The following ARHGAP39 variants were observed in gnomAD, a reference collection of about 807,000 sequenced individuals.
ARHGAP39 encodes Rho GTPase activating protein 39, also known as rho GTPase-activating protein 39.
Under a neutral mutation model 106.9 loss-of-function variants are expected in ARHGAP39, and 44 were observed. The ratio of observed to expected loss-of-function variants is 0.41; its 90% CI spans 0.32 to 0.53. ARHGAP39 has a LOEUF of 0.53. ARHGAP39 is among the 20% of genes least tolerant of loss of function. ARHGAP39 has a pLI of 0.21. For missense variants in ARHGAP39, 1,496 were observed against 1,577.3 expected, an observed-to-expected ratio of 0.95 and a Z score of 0.87; for synonymous variants, 768 against 693.2, an observed-to-expected ratio of 1.11 and a Z score of -1.69.
chr8:144,532,765 G>T (rs760013222), intron 9 of ARHGAP39, among the ~76,000 whole-genome samples: 3 of 152,216 alleles, frequency 2.0e-5, no homozygotes, highest in Non-Finnish European at 4.4e-5. Context: ...AGTCATGGGA[G>T]TGGGTGGCAC....
At position 144,530,001 on chromosome 8, in the gene ARHGAP39, A is replaced by T; in HGVS notation, c.*421T>A. The T allele has an allele frequency of 5.7e-6, 1 of 174,216 alleles. No homozygotes were observed. Among genetic ancestry groups the T allele is most frequent in the African/African-American group, 2.4e-5 (1 of 41,882 alleles). The allele number at this position is 174,216 out of a possible 1,614,324, so 10.8% of individuals were successfully genotyped here. A position where few individuals can be genotyped will look rare whatever the true frequency, so the allele number is the denominator to read the frequency against. On this transcript the variant is annotated 3_prime_UTR_variant, in exon 12 of 12. Transcript: ENST00000377307. ...CTCTCTCGGGGCTGGGAAGAGCTGC[A>T]GGCCAGGACGAGGACAGGAGAAAGG...
Position 144,586,144 on chromosome 8 carries a change from AT to A in ARHGAP39, c.81-4868del. On this transcript the variant is annotated intron_variant, in intron 2 of 11. Coordinates refer to ENST00000377307, the MANE Select transcript of ARHGAP39 (RefSeq NM_025251.3). The surrounding 1 kb of genome is among the most constrained non-coding windows in gnomAD (Gnocchi z 4.2). ...CAGGTGTATGCCACCACAGCTGGCT[AT>A]TTTTTTTGTATTTTTAGTAGGGATG... 6.6e-6 allele frequency: 1 copy of A among 152,064 alleles called. No homozygotes were observed. Among genetic ancestry groups the A allele is most frequent in the African/African-American group, 2.4e-5 (1 of 41,444 alleles). 9.4% of individuals were successfully genotyped at this position (152,064 alleles called of 1,614,324 possible). A position where few individuals can be genotyped will look rare whatever the true frequency, so the allele number is the denominator to read the frequency against.
chr8:144,698,927 G>T, the ARHGAP39 span: 1 of 455,166 alleles, frequency 2.2e-6, no homozygotes, highest in Non-Finnish European at 4.4e-6. Context: ...TAAACATGGA[G>T]TGTTCACACC....
chr8:144,547,031 C>T lies in ARHGAP39; in HGVS notation c.1959+96G>A. On this transcript the variant is annotated intron_variant, in intron 5 of 11. Transcript: ENST00000377307. This position sits in a 1 kb window ranked among gnomAD's most constrained non-coding sequence, Gnocchi z 5.2. ...AGAACTCTGCGTGCTGCGTGCACGC[C>T]CTGGACGCCAGGTCTCCTGTGCCTG... is the stretch of plus-strand genomic sequence containing the variant. The T allele has an allele frequency of 1.4e-6, 2 of 1,406,486 alleles. No individual in the cohort carries two copies. The highest frequency in any genetic ancestry group is 1.9e-6 in the Non-Finnish European group (2 of 1,063,716). The allele number at this position is 1,406,486 out of a possible 1,614,324, so 87.1% of individuals were successfully genotyped here. A position where few individuals can be genotyped will look rare whatever the true frequency, so the allele number is the denominator to read the frequency against.
chr8:144,565,045 G>A (rs1410952390), intron 3 of ARHGAP39, among the ~76,000 whole-genome samples: 1 of 152,148 alleles, frequency 6.6e-6, no homozygotes, highest in Non-Finnish European at 1.5e-5. Flanking sequence ...GGGAGGCAGA[G>A]GTTGCCGTGA....
intron 3 of ARHGAP39, among the ~76,000 whole-genome samples, chr8:144,561,397 G>T (rs111611295): frequency 0.087 from 11,117 of 127,974 alleles, 1,462 homozygotes; most frequent in African/African-American, 0.29. Flanking sequence ...CCCCAGTGGT[G>T]TCCATCACAC....
chr8:144,561,165 T>C (rs1324596253), intron 3 of ARHGAP39, among the ~76,000 whole-genome samples: 2 of 152,206 alleles, frequency 1.3e-5, no homozygotes, highest in African/African-American at 4.8e-5. Flanking sequence ...CACACCCCAG[T>C]GGTTTCCATC....
chr8:144,561,273 T>G (rs145931693), intron 3 of ARHGAP39, among the ~76,000 whole-genome samples: 2,603 of 132,184 alleles, frequency 0.02, 73 homozygotes, highest in Admixed American at 0.063. Flanking sequence ...CCCCAGTGGT[T>G]TCCATCACAC....
intron 1 of ARHGAP39, among the ~76,000 whole-genome samples, chr8:144,623,323 A>C (rs1457257407): frequency 6.6e-6 from 1 of 152,226 alleles, no homozygotes; most frequent in East Asian, 1.9e-4. Context: ...TGGTGGAAAT[A>C]AATTTAAATA....
chr8:144,696,522 C>T, the ARHGAP39 span, among the ~76,000 whole-genome samples: 1 of 152,086 alleles, frequency 6.6e-6, no homozygotes, highest in African/African-American at 2.4e-5. Flanking sequence ...AATAAATATG[C>T]CTAATCTGTT....
chr8:144,532,275 G>A (rs775859080), intron 10 of ARHGAP39, 30 bp downstream of exon 10: 24 of 1,605,856 alleles, frequency 1.5e-5, no homozygotes, highest in Admixed American at 1.0e-4. Flanking sequence ...AGCCAGGCCC[G>A]CTCTGCTGCA....
At chr8:144,543,464 G>A (rs543561235) in intron 6 of ARHGAP39, among the ~76,000 whole-genome samples, 5 of 152,328 alleles carry the variant, frequency 3.3e-5, no homozygotes, top group African/African-American at 1.2e-4. Context: ...TCCTGGGGCT[G>A]GAGATGAGGT....
At chr8:144,690,386 G>A (rs1019462456), upstream of ARHGAP39, among the ~76,000 whole-genome samples, 7 of 151,984 alleles carry the variant, frequency 4.6e-5, no homozygotes, top group East Asian at 1.9e-4. Context: ...GATTACAGGC[G>A]TGAGCCACTG....
chr8:144,554,464 C>T (rs1341852103), intron 4 of ARHGAP39, among the ~76,000 whole-genome samples: 1 of 152,206 alleles, frequency 6.6e-6, no homozygotes, highest in Non-Finnish European at 1.5e-5. Flanking sequence ...AGAATGGCAT[C>T]CTGGGGATGG....
chr8:144,534,266 T>A (rs1178205996), intron 7 of ARHGAP39, 64 bp from the exon 8 acceptor site: 49 of 1,580,972 alleles, frequency 3.1e-5, no homozygotes, highest in Non-Finnish European at 4.2e-5. Flanking sequence ...AGGAGAGGGG[T>A]GAGCAGACAC....
intron 4 of ARHGAP39, among the ~76,000 whole-genome samples, chr8:144,550,141 G>T (rs1389993346): frequency 6.6e-6 from 1 of 151,976 alleles, no homozygotes; most frequent in East Asian, 1.9e-4. Flanking sequence ...GAACATGGTG[G>T]TGTGCTCCTG....
At chr8:144,663,984 T>A (rs756218133) in intron 1 of ARHGAP39, among the ~76,000 whole-genome samples, 1 of 151,992 alleles carries the variant, frequency 6.6e-6, no homozygotes, top group Non-Finnish European at 1.5e-5. Flanking sequence ...TTGGGCAACA[T>A]GGTGAAAGCC....
At chr8:144,570,145 G>A (rs200366108) in intron 3 of ARHGAP39, among the ~76,000 whole-genome samples, 2 of 152,124 alleles carry the variant, frequency 1.3e-5, no homozygotes, top group Admixed American at 6.5e-5. Flanking sequence ...TACTTCACCC[G>A]GGGAGGCAGA....
intron 1 of ARHGAP39, among the ~76,000 whole-genome samples, chr8:144,607,763 G>T (rs539596265): frequency 2.0e-5 from 3 of 152,212 alleles, no homozygotes; most frequent in Non-Finnish European, 2.9e-5. Flanking sequence ...GCTCACAAGC[G>T]GGGTAACCAC....
Sources: gnomAD v4.1 joint callset for allele counts (sites outside exome capture counted in the v4.1 genomes callset) on GRCh38, gnomAD v4.1.1 for gene constraint, Gnocchi (gnomAD v3.1) non-coding constraint, MANE v1.5 for transcripts, NCBI Gene and HGNC (gene_info 2026-07-23, HGNC 2026-07-21) for gene names.